SEMA4F: variants seen among roughly 807,000 people sequenced by gnomAD.
SEMA4F encodes the protein ssemaphorin 4F, also known as semaphorin-4F.
A neutral mutation model predicts 78.4 loss-of-function variants in SEMA4F; 51 were observed. That is an observed-to-expected ratio of 0.65 (90% CI 0.52 to 0.82). SEMA4F has a LOEUF of 0.82. Among genes scored for constraint, SEMA4F ranks in the 40% least tolerant of loss-of-function variants. The pLI, the probability that SEMA4F is intolerant of heterozygous loss-of-function variation, is 0.00. For synonymous variants in SEMA4F, 418 were observed against 408.7 expected (o/e 1.02, Z -0.27); for missense variants, 938 against 1,014.4 (o/e 0.92, Z 1.02).
chr2:74,697,362 T>C, the SEMA4F span, among the ~76,000 whole-genome samples: 1 of 152,318 alleles, frequency 6.6e-6, no homozygotes, highest in South Asian at 2.1e-4. Flanking sequence ...TTCTTGCACT[T>C]CTCTTTGAGA....
chr2:74,701,381 C>T, the SEMA4F span, among the ~76,000 whole-genome samples: 1 of 152,194 alleles, frequency 6.6e-6, no homozygotes. Flanking sequence ...GGCCATCTCC[C>T]AGTCCTGAAT....
downstream of SEMA4F, among the ~76,000 whole-genome samples, chr2:74,684,294 C>G (rs562096882): frequency 1.3e-5 from 2 of 152,242 alleles, no homozygotes; most frequent in Admixed American, 1.3e-4. Flanking sequence ...AAGATCTTTG[C>G]TAGGTAAGTT....
In SEMA4F at chr2:74,673,745, A is replaced by G. The variant is rs748822300; in HGVS notation, c.739A>G (p.Ile247Val). The G allele has an allele frequency of 1.9e-6, 3 of 1,614,120 alleles. No individual in the cohort carries two copies. Among genetic ancestry groups the G allele is most frequent in the Non-Finnish European group, 2.5e-6 (3 of 1,180,030 alleles). ...EWGDEDGDDE[I>V]YFFFTETSRA... ...GGGGGATGAAGATGGAGACGACGAA[A>G]TCTACTTCTTCTTTACGGAGACTTC... Residue 247 changes from isoleucine (I) to valine (V), a missense_variant, in exon 7 of 14, where the codon ATC (isoleucine) becomes GTC (valine). Transcript: ENST00000357877.
the SEMA4F span, among the ~76,000 whole-genome samples, chr2:74,695,616 ACT>A: frequency 1.3e-5 from 2 of 152,188 alleles, no homozygotes; most frequent in South Asian, 4.1e-4. Context: ...GCTGTATTAA[ACT>A]CTTTCAAAAG....
chr2:74,705,644 G>T, the SEMA4F span, among the ~76,000 whole-genome samples: 1 of 152,188 alleles, frequency 6.6e-6, no homozygotes, highest in Non-Finnish European at 1.5e-5. Context: ...GCTCACTGAC[G>T]CCTCTGACTC....
rs2105027557 is a variant in SEMA4F at position 74,680,882 on chromosome 2, A to G, written c.*673A>G. 6.6e-6 allele frequency: 1 copy of G among 152,366 alleles called. No homozygotes were observed. Among genetic ancestry groups the G allele is most frequent in the Admixed American group, 6.5e-5 (1 of 15,306 alleles). The allele number at this position is 152,366 out of a possible 1,614,324, so 9.4% of individuals were successfully genotyped here. A position where few individuals can be genotyped will look rare whatever the true frequency, so the allele number is the denominator to read the frequency against. Reference sequence around the variant, plus strand: ...CTGCAGAACTTTAGACCCTGTAGCCATAGAGGGAATGGCGTTCCTTTCTAA... The same window carrying G: ...CTGCAGAACTTTAGACCCTGTAGCCGTAGAGGGAATGGCGTTCCTTTCTAA... On this transcript the variant is annotated 3_prime_UTR_variant, in exon 14 of 14. Transcript: ENST00000357877.
chr2:74,704,166 A>C, the SEMA4F span, among the ~76,000 whole-genome samples: 2 of 151,950 alleles, frequency 1.3e-5, no homozygotes, highest in Non-Finnish European at 1.5e-5. Context: ...TTTTCTAACA[A>C]AGTAGATGTT....
At chr2:74,707,951 A>G in the SEMA4F span, among the ~76,000 whole-genome samples, 5 of 152,142 alleles carry the variant, frequency 3.3e-5, no homozygotes, top group African/African-American at 9.7e-5. Flanking sequence ...TGAGGAAACC[A>G]TCTGCGAGGA....
chr2:74,657,894 T>C lies in SEMA4F; in HGVS notation c.399T>C (p.Asn133=), dbSNP rs779865207. 2.5e-6 allele frequency: 4 copies of C among 1,614,250 alleles called. No homozygotes were observed. In the South Asian group the frequency reaches 4.4e-5, roughly 18 times the overall value. The change falls in exon 4 of 14, where the codon AAT becomes AAC. Residue 133 remains asparagine (N), a synonymous_variant. Transcript: ENST00000357877. ...TTGTCCAGATTCTCGCCATTGCCAATGCCTCTCACCTCCTCACTTGTGGCA... is the reference window on the plus strand; with the variant it reads ...TTGTCCAGATTCTCGCCATTGCCAACGCCTCTCACCTCCTCACTTGTGGCA... ...HNFVQILAIA[N]ASHLLTCGTF...
rs763645984 is a variant in SEMA4F at position 74,674,538 on chromosome 2, C to T, written c.863C>T (p.Thr288Met). 1.5e-5 allele frequency: 24 copies of T among 1,613,884 alleles called. 1 individual carries two copies. The highest frequency in any genetic ancestry group is 8.8e-5 in the South Asian group (8 of 91,058). Reference sequence around the variant, plus strand: ...CGGAAGACCCTCCAGCAGAGATGGACGACGTTTTTGAAAGCTGACCTGCTC... The same window carrying T: ...CGGAAGACCCTCCAGCAGAGATGGATGACGTTTTTGAAAGCTGACCTGCTC... ...GGRKTLQQRW[T>M]TFLKADLLCP... is the part of the protein sequence containing the mutation. The change falls in exon 8 of 14, where the codon ACG becomes ATG. Residue 288 changes from threonine (T) to methionine (M), a missense_variant. Thr to Met is a moderately conservative substitution (Grantham distance 81). Coordinates refer to ENST00000357877, the MANE Select transcript of SEMA4F (RefSeq NM_004263.5).
the SEMA4F span, among the ~76,000 whole-genome samples, chr2:74,697,299 A>G: frequency 1.3e-5 from 2 of 152,184 alleles, no homozygotes; most frequent in Non-Finnish European, 2.9e-5. Flanking sequence ...TGGCATGGCT[A>G]GAGCTCAATG....
the SEMA4F span, among the ~76,000 whole-genome samples, chr2:74,693,374 T>C: frequency 6.6e-6 from 1 of 152,246 alleles, no homozygotes; most frequent in African/African-American, 2.4e-5. Flanking sequence ...CATTCTTGAC[T>C]TGAACCTGAT....
the SEMA4F span, among the ~76,000 whole-genome samples, chr2:74,701,106 C>G: frequency 2.6e-5 from 4 of 152,038 alleles, no homozygotes; most frequent in Admixed American, 2.0e-4. Flanking sequence ...AGCTGCCTTG[C>G]TTGTGGGAGA....
intron 12 of SEMA4F, among the ~76,000 whole-genome samples, chr2:74,678,674 C>T (rs940769274): frequency 6.6e-6 from 1 of 152,182 alleles, no homozygotes; most frequent in African/African-American, 2.4e-5. Context: ...CAGATATAGT[C>T]CACCCAAATC....
chr2:74,675,921 T>A lies in SEMA4F; in HGVS notation c.1643+12T>A, dbSNP rs1258926723. On this transcript the variant is annotated intron_variant, in intron 12 of 13. Coordinates refer to ENST00000357877, the MANE Select transcript of SEMA4F (RefSeq NM_004263.5). Reference sequence around the variant, plus strand: ...GGGGAGCACCGAGGGTGAGTGTAGCTGCCTGGATTTCTTGCTTACTGTGCC... The same window carrying A: ...GGGGAGCACCGAGGGTGAGTGTAGCAGCCTGGATTTCTTGCTTACTGTGCC... The A allele has an allele frequency of 6.2e-7, 1 of 1,602,120 alleles. No individual in the cohort carries two copies. Among genetic ancestry groups the A allele is most frequent in the Non-Finnish European group, 8.5e-7 (1 of 1,174,362 alleles).
At chr2:74,702,816 C>A in the SEMA4F span, among the ~76,000 whole-genome samples, 1 of 152,088 alleles carries the variant, frequency 6.6e-6, no homozygotes, top group African/African-American at 2.4e-5. Context: ...TTAGGATATT[C>A]TGAGCTAGAA....
At chr2:74,693,084 T>C in the SEMA4F span, among the ~76,000 whole-genome samples, 2 of 152,256 alleles carry the variant, frequency 1.3e-5, no homozygotes, top group African/African-American at 4.8e-5. Context: ...ATGTATATAT[T>C]CAACATAGGG....
At chr2:74,701,174 A>G in the SEMA4F span, among the ~76,000 whole-genome samples, 43,084 of 151,730 alleles carry the variant, frequency 0.28, 9,056 homozygotes, top group East Asian at 0.82. Flanking sequence ...CATTGTTCTG[A>G]CCTTGCCTTT....
chr2:74,666,108 A>G (rs1469352742), intron 5 of SEMA4F, among the ~76,000 whole-genome samples: 5 of 151,908 alleles, frequency 3.3e-5, no homozygotes, highest in African/African-American at 7.3e-5. Flanking sequence ...GGGTTTCACC[A>G]TGTTGATCAG....
Sources: allele counts gnomAD v4.1 joint callset (sites outside exome capture counted in the v4.1 genomes callset), GRCh38; gene constraint gnomAD v4.1.1; transcripts MANE v1.5; gene names NCBI Gene and HGNC (gene_info 2026-07-23, HGNC 2026-07-21).